Variants in SLC41A2 observed in about 807,000 individuals in gnomAD.
SLC41A2 encodes SLC41A1-like 1.
In SLC41A2, 32 loss-of-function variants were observed where a neutral mutation model predicts 58.3. That is an observed-to-expected ratio of 0.55 (90% CI 0.41 to 0.74). SLC41A2 has a LOEUF of 0.74. Among genes scored for constraint, SLC41A2 ranks in the 30% least tolerant of loss-of-function variants. The pLI is 0.00. For missense variants in SLC41A2, 514 were observed against 680.6 expected (o/e 0.76, Z 2.72); for synonymous variants, 190 against 235.0 (o/e 0.81, Z 1.75).
chr12:104,876,044 C>T (rs531731189), intron 6 of SLC41A2, among the ~76,000 whole-genome samples: 1 of 152,104 alleles, frequency 6.6e-6, no homozygotes, highest in East Asian at 1.9e-4. Flanking sequence ...AGAATTTATC[C>T]ATTTCCTCTA....
At chr12:104,834,202 A>G in intron 10 of SLC41A2, 2 of 985,146 alleles carry the variant, frequency 2.0e-6, no homozygotes, top group Non-Finnish European at 2.4e-6. Context: ...AACCATAAAT[A>G]TGGATTTAGA....
rs570794195 is a variant in SLC41A2, at chr12:104,896,584, T to C, written c.664-1239A>G. Among the ~76,000 whole-genome samples the C allele has an allele frequency of 5.3e-5, 8 of 152,298 alleles. No individual in the cohort carries two copies. The East Asian group carries it at 1.3e-3, about 26-fold the overall frequency. The stretch of plus-strand genomic sequence containing the variant: ...TTAATAACTCTTAGAAAGATGTCTA[T>C]ATCTGTAGGAAGCAATCTAAAATGA... On this transcript the variant is annotated intron_variant, in intron 3 of 10. Coordinates refer to ENST00000258538, the MANE Select transcript of SLC41A2 (RefSeq NM_001352171.3).
At chr12:104,808,251 A>AATT (rs1195771359) in intron 10 of SLC41A2, among the ~76,000 whole-genome samples, 2 of 152,130 alleles carry the variant, frequency 1.3e-5, no homozygotes, top group African/African-American at 2.4e-5. Flanking sequence ...ATCAATACCT[A>AATT]ATTTATTGAG....
rs370686442 is a variant in SLC41A2, at chr12:104,948,506, T to TA, written c.-168+9581dup. Among the ~76,000 whole-genome samples the TA allele has an allele frequency of 3.0e-3, 455 of 152,126 alleles. 2 individuals carry two copies. Among genetic ancestry groups the TA allele is most frequent in the African/African-American group, 9.6e-3 (397 of 41,504 alleles). On this transcript the variant is annotated intron_variant, in intron 1 of 10. Transcript: ENST00000258538. ...TATACTGACCTCATTTTATCTTTTG[T>TA]AAAAAAAACCTTGAAGATAAGTATG...
intron 4 of SLC41A2, among the ~76,000 whole-genome samples, chr12:104,893,642 T>C (rs1477023516): frequency 2.0e-5 from 3 of 152,216 alleles, no homozygotes; most frequent in Non-Finnish European, 4.4e-5. Flanking sequence ...AAAGAAAATG[T>C]GGTACTTATA....
chr12:104,917,441 G>A (rs1284922373), intron 2 of SLC41A2, among the ~76,000 whole-genome samples: 6 of 152,258 alleles, frequency 3.9e-5, no homozygotes, highest in African/African-American at 1.4e-4. Context: ...TCTAGAACTA[G>A]AAATACCATT....
At chr12:104,810,470 ATATAT>A (rs1446451108) in intron 10 of SLC41A2, among the ~76,000 whole-genome samples, 1 of 152,196 alleles carries the variant, frequency 6.6e-6, no homozygotes. Flanking sequence ...ACACAGATTT[ATATAT>A]TATATGATAC....
chr12:104,955,766 T>C (rs2048143149), intron 1 of SLC41A2, among the ~76,000 whole-genome samples: 1 of 152,126 alleles, frequency 6.6e-6, no homozygotes, highest in Non-Finnish European at 1.5e-5. Context: ...GTTTTTTTTT[T>C]TTTGGCCATG....
chr12:104,817,192 G>C (rs1256465541), intron 10 of SLC41A2, among the ~76,000 whole-genome samples: 2 of 152,158 alleles, frequency 1.3e-5, no homozygotes, highest in African/African-American at 4.8e-5. Flanking sequence ...CCTAAACACA[G>C]AAAAGTTGCA....
At chr12:104,853,113 G>A (rs2042861849) in intron 8 of SLC41A2, among the ~76,000 whole-genome samples, 1 of 152,186 alleles carries the variant, frequency 6.6e-6, no homozygotes, top group Admixed American at 6.5e-5. Flanking sequence ...ATGAAATAAA[G>A]TTTGAGAGTG....
intron 6 of SLC41A2, among the ~76,000 whole-genome samples, chr12:104,885,166 G>C (rs1328649035): frequency 6.6e-6 from 1 of 152,020 alleles, no homozygotes; most frequent in African/African-American, 2.4e-5. Context: ...CTTACATTTA[G>C]GCCATTGATC....
intron 6 of SLC41A2, among the ~76,000 whole-genome samples, chr12:104,872,866 T>C (rs1452058226): frequency 1.3e-5 from 2 of 152,164 alleles, no homozygotes; most frequent in Admixed American, 6.5e-5. Flanking sequence ...AGTAGTTGAA[T>C]AAGACTTTTT....
At chr12:104,896,478 G>C (rs1164799881) in intron 3 of SLC41A2, among the ~76,000 whole-genome samples, 2 of 152,126 alleles carry the variant, frequency 1.3e-5, no homozygotes, top group Non-Finnish European at 2.9e-5. Context: ...TGAGTAATAA[G>C]GTACAAGCAA....
intron 10 of SLC41A2, chr12:104,834,230 G>C (rs1156500095): frequency 2.1e-6 from 2 of 963,400 alleles, no homozygotes; most frequent in East Asian, 2.3e-4. Flanking sequence ...CTCAATTTGA[G>C]ACCTTACAAC....
chr12:104,838,850 T>A (rs1355283296), intron 10 of SLC41A2, among the ~76,000 whole-genome samples: 1 of 152,190 alleles, frequency 6.6e-6, no homozygotes, highest in Admixed American at 6.5e-5. Flanking sequence ...ACAATACCTT[T>A]TATTTCTTTT....
At chr12:104,858,057 G>A (rs565343253) in intron 8 of SLC41A2, among the ~76,000 whole-genome samples, 7 of 151,962 alleles carry the variant, frequency 4.6e-5, no homozygotes, top group South Asian at 2.1e-4. Context: ...AAGAAATCTC[G>A]TAGTAAGCAA....
At chr12:104,825,565 C>T (rs1264527450) in intron 10 of SLC41A2, among the ~76,000 whole-genome samples, 9 of 152,282 alleles carry the variant, frequency 5.9e-5, no homozygotes, top group African/African-American at 2.2e-4. Flanking sequence ...AGAGGGCTCC[C>T]CCTCCCAACT....
At chr12:104,836,566 T>G (rs995050985) in intron 10 of SLC41A2, among the ~76,000 whole-genome samples, 1 of 152,124 alleles carries the variant, frequency 6.6e-6, no homozygotes. Context: ...CTGAACACTA[T>G]AAAATAATAA....
At chr12:104,952,272 T>C (rs1441195789) in intron 1 of SLC41A2, among the ~76,000 whole-genome samples, 1 of 152,198 alleles carries the variant, frequency 6.6e-6, no homozygotes, top group Non-Finnish European at 1.5e-5. Context: ...CCAGGCACTA[T>C]ACTAGTTGCC....
Sources: gnomAD v4.1 joint callset for allele counts (sites outside exome capture counted in the v4.1 genomes callset) on GRCh38, gnomAD v4.1.1 for gene constraint, MANE v1.5 for transcripts, NCBI Gene and HGNC (gene_info 2026-07-23, HGNC 2026-07-21) for gene names.